The following DENND1A variants were observed in gnomAD, a reference collection of about 807,000 sequenced individuals.
DENND1A encodes the protein DENN domain containing 1A.
A neutral mutation model predicts 113.7 loss-of-function variants in DENND1A; 51 were observed. The observed-to-expected ratio is 0.45, with a 90% CI of 0.36 to 0.57. DENND1A has a LOEUF of 0.57. DENND1A is among the 20% of genes least tolerant of loss of function. The probability of loss-of-function intolerance (pLI) is 0.00; values close to 1 mark genes in which losing one functional copy is unlikely to be tolerated. For missense variants in DENND1A, 1,258 were observed against 1,395.9 expected, an observed-to-expected ratio of 0.90 and a Z score of 1.57; for synonymous variants, 565 against 570.8, an observed-to-expected ratio of 0.99 and a Z score of 0.14.
rs192327025 is a variant in DENND1A at position 123,764,908 on chromosome 9, C to T, written c.182+4606G>A. On this transcript the variant is annotated intron_variant, in intron 4 of 23. Coordinates refer to ENST00000394215, the MANE Select transcript of DENND1A (RefSeq NM_001352964.2). This position sits in a 1 kb window ranked among gnomAD's most constrained non-coding sequence, Gnocchi z 4.1. The stretch of plus-strand genomic sequence containing the variant: ...TCTGTCCACTAAGGCCCAGCTGCTT[C>T]GTTGTCATCAACACTGTAGAAAATA... Among the ~76,000 whole-genome samples, 2 of 152,224 alleles carry T rather than the reference C, an allele frequency of 1.3e-5. No homozygotes were observed. Among genetic ancestry groups the T allele is most frequent in the Admixed American group, 6.5e-5 (1 of 15,288 alleles).
intron 13 of DENND1A, among the ~76,000 whole-genome samples, chr9:123,542,565 C>A (rs1349566752): frequency 6.6e-6 from 1 of 152,178 alleles, no homozygotes; most frequent in Non-Finnish European, 1.5e-5. Flanking sequence ...GGAGGGTGAC[C>A]TTTGCACACT....
chr9:123,730,047 G>A (rs1008476438), intron 5 of DENND1A, among the ~76,000 whole-genome samples: 1 of 152,136 alleles, frequency 6.6e-6, no homozygotes, highest in Admixed American at 6.5e-5. Flanking sequence ...GTGAAAACTG[G>A]CTAGCCATAT....
intron 10 of DENND1A, among the ~76,000 whole-genome samples, chr9:123,625,900 G>A (rs2061187670): frequency 6.6e-6 from 1 of 152,124 alleles, no homozygotes; most frequent in African/African-American, 2.4e-5. Flanking sequence ...TCTCTTCCAG[G>A]GGGAACCGTG....
intron 5 of DENND1A, among the ~76,000 whole-genome samples, chr9:123,748,726 A>C (rs1015447751): frequency 2.0e-5 from 3 of 152,166 alleles, no homozygotes; most frequent in Non-Finnish European, 2.9e-5. Flanking sequence ...CCTTCTGCTT[A>C]TTGCTGTTGA....
intron 11 of DENND1A, among the ~76,000 whole-genome samples, chr9:123,586,521 T>C (rs934984146): frequency 3.3e-5 from 5 of 152,166 alleles, no homozygotes; most frequent in African/African-American, 1.2e-4. Context: ...GTAACCAAAA[T>C]GCCCCGAGCA....
At chr9:123,396,899 C>T (rs7862791) in intron 21 of DENND1A, among the ~76,000 whole-genome samples, 151,413 of 152,316 alleles carry the variant, frequency 0.99, 75,260 homozygotes, top group East Asian at 1. Context: ...GAAAGTTATA[C>T]AGCAATATGG....
intron 13 of DENND1A, among the ~76,000 whole-genome samples, chr9:123,480,394 C>T (rs1301073820): frequency 1.3e-5 from 2 of 152,242 alleles, no homozygotes; most frequent in Non-Finnish European, 1.5e-5. Context: ...AGCCACACCT[C>T]TTGACATTAG....
Position 123,792,616 on chromosome 9 carries a change from T to C in DENND1A, c.103A>G (p.Arg35Gly). The C allele has an allele frequency of 1.9e-6, 3 of 1,613,202 alleles. No individual in the cohort carries two copies. Among genetic ancestry groups the C allele is most frequent in the Non-Finnish European group, 2.5e-6 (3 of 1,179,484 alleles). The change falls in exon 3 of 24, where the codon AGG becomes GGG. Residue 35 changes from arginine (R) to glycine (G), a missense_variant. Transcript: ENST00000394215. ...TCACTGTAGTCCTCCGGGAATTGCC[T>C]CTGCACCTCAGGATCTGTAAATAAT... ...GGTLSDPEVQ[R>G]QFPEDYSDQE...
intron 5 of DENND1A, among the ~76,000 whole-genome samples, chr9:123,684,685 C>T (rs139790222): frequency 1.3e-5 from 2 of 152,342 alleles, no homozygotes; most frequent in Non-Finnish European, 2.9e-5. Context: ...AAAACTGAGA[C>T]GTTTCCAGTC....
chr9:123,851,727 A>T (rs1475190726), intron 2 of DENND1A, among the ~76,000 whole-genome samples: 1 of 152,256 alleles, frequency 6.6e-6, no homozygotes. Context: ...GCAGATTCAC[A>T]GGACAACAAA....
chr9:123,828,234 ATAAAT>A (rs1275124265), intron 2 of DENND1A, among the ~76,000 whole-genome samples: 1 of 152,176 alleles, frequency 6.6e-6, no homozygotes, highest in Non-Finnish European at 1.5e-5. Context: ...ATTAAAACTG[ATAAAT>A]TAGATTTTAG....
In DENND1A at chr9:123,595,381, G is replaced by GT. The variant is rs535113136; in HGVS notation, c.766-12112dup. Among the ~76,000 whole-genome samples, 268 of 152,274 alleles carry GT rather than the reference G, an allele frequency of 1.8e-3. 1 individual carries two copies. The highest frequency in any genetic ancestry group is 6.0e-3 in the African/African-American group (249 of 41,542). On this transcript the variant is annotated intron_variant, in intron 11 of 23. Coordinates refer to ENST00000394215, the MANE Select transcript of DENND1A (RefSeq NM_001352964.2). ...TTCACTCACTCATTTGGTACATCACGTATGGAGCCGTCATTCATGTCAACT... is the reference window on the plus strand; with the variant it reads ...TTCACTCACTCATTTGGTACATCACGTTATGGAGCCGTCATTCATGTCAACT...
At chr9:123,869,250 C>T (rs1475896072) in intron 2 of DENND1A, among the ~76,000 whole-genome samples, 3 of 152,152 alleles carry the variant, frequency 2.0e-5, no homozygotes, top group Admixed American at 6.5e-5. Context: ...CTAATGTATG[C>T]CAGGCACTCT....
At chr9:123,878,897 A>C in intron 2 of DENND1A, 54 bp downstream of exon 2, 1 of 1,560,498 alleles carries the variant, frequency 6.4e-7, no homozygotes, top group Non-Finnish European at 8.8e-7. Flanking sequence ...TCACGTGCAT[A>C]GCTATCTCAA....
chr9:123,786,309 C>G (rs1832165814), intron 3 of DENND1A, among the ~76,000 whole-genome samples: 1 of 152,088 alleles, frequency 6.6e-6, no homozygotes, highest in South Asian at 2.1e-4. Flanking sequence ...TTCTCTATAC[C>G]ACTTAACTCT....
chr9:123,514,057 T>C lies in DENND1A; in HGVS notation c.993+43513A>G, dbSNP rs535277514. 1.4e-4 allele frequency among the ~76,000 whole-genome samples: 21 copies of C among 148,298 alleles called. No individual in the cohort carries two copies. The East Asian group carries it at 3.9e-3, about 28-fold the overall frequency. On this transcript the variant is annotated intron_variant, in intron 13 of 23. Coordinates refer to ENST00000394215, the MANE Select transcript of DENND1A (RefSeq NM_001352964.2). ...GGAAAGGTTGGGCAAGGTAGGGTTC[T>C]ATTTTGAGGTGTGTGTGTGTGTGTG...
intron 11 of DENND1A, among the ~76,000 whole-genome samples, chr9:123,583,932 G>A (rs910542155): frequency 6.6e-6 from 1 of 152,214 alleles, no homozygotes; most frequent in African/African-American, 2.4e-5. Flanking sequence ...TTGGTGACAG[G>A]AGAAGGGATG....
At chr9:123,464,736 A>C (rs184150182) in intron 13 of DENND1A, among the ~76,000 whole-genome samples, 12 of 152,326 alleles carry the variant, frequency 7.9e-5, no homozygotes, top group Admixed American at 7.8e-4. Context: ...AAGGACAATC[A>C]AAATTTTTAA....
chr9:123,406,825 C>G (rs1223599211), intron 20 of DENND1A, among the ~76,000 whole-genome samples: 1 of 152,054 alleles, frequency 6.6e-6, no homozygotes, highest in African/African-American at 2.4e-5. Flanking sequence ...CTGCCCCTGC[C>G]CCGCGGGGCC....
Sources: allele counts gnomAD v4.1 joint callset (sites outside exome capture counted in the v4.1 genomes callset), GRCh38; gene constraint gnomAD v4.1.1; non-coding constraint Gnocchi (gnomAD v3.1); transcripts MANE v1.5; gene names NCBI Gene and HGNC (gene_info 2026-07-23, HGNC 2026-07-21).